The following CFAP47 variants were observed in gnomAD, a reference collection of about 807,000 sequenced individuals.
CFAP47 encodes cilia and flagella associated protein 47.
Under a neutral mutation model 148.1 loss-of-function variants are expected in CFAP47, and 29 were observed. The ratio of observed to expected loss-of-function variants is 0.20; its 90% CI spans 0.15 to 0.27. The LOEUF is 0.27. Ranked by LOEUF, CFAP47 falls within the 10% of genes least tolerant of loss-of-function variation. The pLI is 1.00. For missense variants in CFAP47, 1,872 were observed against 1,697.5 expected (o/e 1.10, Z -1.81); for synonymous variants, 664 against 577.3 (o/e 1.15, Z -2.15).
At chrX:35,997,167 C>T (rs1372957304) in intron 18 of CFAP47, 145 bp from the exon 19 acceptor site, 1 of 243,916 alleles carries the variant, frequency 4.1e-6, no homozygotes, top group Non-Finnish European at 7.3e-6. Flanking sequence ...AATGTGATGA[C>T]AATTACCAGA....
intron 21 of CFAP47, among the ~76,000 whole-genome samples, chrX:36,003,420 A>G (rs1295457741): frequency 2.8e-5 from 3 of 105,911 alleles, no homozygotes; most frequent in Non-Finnish European, 3.9e-5. Context: ...TTTTCTTCTG[A>G]TACCTTTGTT....
chrX:36,239,886 C>A (rs781918802), intron 48 of CFAP47, among the ~76,000 whole-genome samples: 1 of 111,744 alleles, frequency 8.9e-6, no homozygotes, highest in Non-Finnish European at 1.9e-5. Flanking sequence ...TTTTAAACTA[C>A]TTGAGTACTT....
intron 30 of CFAP47, among the ~76,000 whole-genome samples, chrX:36,093,813 T>C (rs1255872387): frequency 1.8e-5 from 2 of 111,510 alleles, no homozygotes; most frequent in Admixed American, 1.9e-4. Flanking sequence ...ATGGGTAGTA[T>C]GCAAATATTT....
intron 8 of CFAP47, among the ~76,000 whole-genome samples, chrX:35,960,380 G>GAAAAAAAAAAAA (rs1188987905): frequency 0.013 from 203 of 15,478 alleles, 67 homozygotes; most frequent in African/African-American, 0.05. Context: ...GCTAATTTCT[G>GAAAAAAAAAAAA]AAAAAAAAAA....
At chrX:35,953,218 T>C (rs1376921981) in intron 6 of CFAP47, among the ~76,000 whole-genome samples, 2 of 112,436 alleles carry the variant, frequency 1.8e-5, no homozygotes, top group Non-Finnish European at 1.9e-5. Flanking sequence ...TTTTTTATTA[T>C]GCCCAAGAGT....
rs763755474 is a variant in CFAP47, at chrX:36,145,890, C to A, written c.5670+537C>A. ...GTTAAAAATTGAAGAAAAAAAAAAA[C>A]AAAACCCAGGTTCTTATCTCAAAAT... On this transcript the variant is annotated intron_variant, in intron 36 of 63. Coordinates refer to ENST00000378653, the MANE Select transcript of CFAP47 (RefSeq NM_001304548.2). 2.1e-3 allele frequency among the ~76,000 whole-genome samples: 217 copies of A among 105,606 alleles called. 1 individual carries two copies. The highest frequency in any genetic ancestry group is 5.1e-3 in the Middle Eastern group (1 of 196). 91.7% of individuals were successfully genotyped at this position (105,606 alleles called of 115,157 possible).
At chrX:36,215,006 A>T (rs1438722610) in intron 45 of CFAP47, among the ~76,000 whole-genome samples, 1 of 111,729 alleles carries the variant, frequency 9.0e-6, no homozygotes, top group Non-Finnish European at 1.9e-5. Context: ...AAGTTTTATG[A>T]ACTGTACATA....
intron 61 of CFAP47, among the ~76,000 whole-genome samples, chrX:36,363,004 T>G (rs782242597): frequency 6.0e-4 from 67 of 111,684 alleles, no homozygotes; most frequent in African/African-American, 2.0e-3. Context: ...TGTTATTATT[T>G]GTGAAAATGG....
chrX:35,966,566 A>T lies in CFAP47; in HGVS notation c.1412A>T (p.Asp471Val), dbSNP rs748024230. Residue 471 changes from aspartate to valine, a missense_variant and splice_region_variant, in exon 9 of 64, where the codon GAT becomes GTT. Physicochemically the swap from Asp to Val is radical, Grantham distance 152. Coordinates refer to ENST00000378653, the MANE Select transcript of CFAP47 (RefSeq NM_001304548.2). Reference protein sequence around the residue: ...KGKITGGGMVDVMCSFVPHQL... With the variant: ...KGKITGGGMVVVMCSFVPHQL... Reference sequence around the variant, plus strand: ...TTACTTTTCATCTTTTTTTTTTAGGATGTGATGTGTTCATTTGTTCCACAT... The same window carrying T: ...TTACTTTTCATCTTTTTTTTTTAGGTTGTGATGTGTTCATTTGTTCCACAT... 5.9e-6 allele frequency: 6 copies of T among 1,023,292 alleles called. No homozygotes were observed. Among genetic ancestry groups the T allele is most frequent in the African/African-American group, 4.2e-5 (2 of 48,029 alleles). The allele number at this position is 1,023,292 out of a possible 1,213,427, so 84.3% of individuals were successfully genotyped here.
chrX:36,161,949 T>G (rs1462526248), intron 39 of CFAP47, among the ~76,000 whole-genome samples: 10 of 112,012 alleles, frequency 8.9e-5, no homozygotes, highest in Non-Finnish European at 1.9e-5. Context: ...AACACAAAAT[T>G]TTAGAATATA....
At chrX:36,033,683 G>A (rs1003165482) in intron 23 of CFAP47, among the ~76,000 whole-genome samples, 5 of 111,037 alleles carry the variant, frequency 4.5e-5, no homozygotes, top group African/African-American at 1.6e-4. Context: ...AAATTGGCTC[G>A]TTGTTTATCC....
chrX:36,228,982 T>C (rs1458079241), intron 46 of CFAP47, among the ~76,000 whole-genome samples, 158 bp downstream of exon 46: 2 of 112,038 alleles, frequency 1.8e-5, no homozygotes, highest in Non-Finnish European at 3.8e-5. Context: ...TTCCTAAATA[T>C]AAATGTTATT....
At chrX:36,159,933 T>TG (rs1181444712) in intron 38 of CFAP47, among the ~76,000 whole-genome samples, 1 of 111,574 alleles carries the variant, frequency 9.0e-6, no homozygotes, top group Non-Finnish European at 1.9e-5. Flanking sequence ...TTTCAAAGGG[T>TG]GGGGAAGAGA....
intron 57 of CFAP47, among the ~76,000 whole-genome samples, chrX:36,324,876 A>G (rs1008372853): frequency 4.7e-4 from 53 of 111,912 alleles, no homozygotes; most frequent in African/African-American, 1.6e-3. Flanking sequence ...TTTATAAACT[A>G]AAATTACTAA....
At chrX:36,042,948 T>C (rs958978091) in intron 25 of CFAP47, among the ~76,000 whole-genome samples, 4 of 111,746 alleles carry the variant, frequency 3.6e-5, no homozygotes, top group African/African-American at 6.5e-5. Context: ...CAGGGGTAGA[T>C]AAAATGACCA....
chrX:36,229,233 AG>A (rs1212141025), intron 46 of CFAP47, among the ~76,000 whole-genome samples: 2 of 111,935 alleles, frequency 1.8e-5, no homozygotes, highest in African/African-American at 6.5e-5. Context: ...ATAGTGTAAA[AG>A]AAGGTAAGAT....
intron 30 of CFAP47, 145 bp downstream of exon 30, chrX:36,085,683 G>A (rs1463267619): frequency 3.6e-5 from 7 of 194,465 alleles, no homozygotes; most frequent in East Asian, 2.7e-4. Context: ...ATACACACAC[G>A]TATATATATA....
intron 36 of CFAP47, among the ~76,000 whole-genome samples, chrX:36,146,972 G>A (rs1391093815): frequency 9.1e-6 from 1 of 110,035 alleles, no homozygotes; most frequent in Non-Finnish European, 1.9e-5. Flanking sequence ...TAGTAGAGAC[G>A]GAGTTTCATC....
In CFAP47 at chrX:36,071,983, A is replaced by G. The variant is rs1937763608; in HGVS notation, c.4465+12A>G. 5 of 1,181,834 alleles carry G rather than the reference A, an allele frequency of 4.2e-6. No homozygotes were observed. In the East Asian group the frequency reaches 1.5e-4, roughly 36 times the overall value. On this transcript the variant is annotated intron_variant, in intron 28 of 63. Transcript: ENST00000378653. ...AAACTTATTTATTGGTATGTAGCAAATATATAGTGTACTTTCCAAAATTAG... is the reference window on the plus strand; with the variant it reads ...AAACTTATTTATTGGTATGTAGCAAGTATATAGTGTACTTTCCAAAATTAG...
Sources: allele counts gnomAD v4.1 joint callset (sites outside exome capture counted in the v4.1 genomes callset), GRCh38; gene constraint gnomAD v4.1.1; transcripts MANE v1.5; gene names NCBI Gene and HGNC (gene_info 2026-07-23, HGNC 2026-07-21).